Variants in WDR45B observed in about 807,000 individuals in gnomAD.
The protein encoded by WDR45B is WD repeat domain phosphoinositide-interacting protein 3.
In WDR45B, 20 loss-of-function variants were observed where a neutral mutation model predicts 44.6. The ratio of observed to expected loss-of-function variants is 0.45; its 90% CI spans 0.32 to 0.65. WDR45B has a LOEUF of 0.65. Among genes scored for constraint, WDR45B ranks in the 30% least tolerant of loss-of-function variants. The pLI, the probability that WDR45B is intolerant of heterozygous loss-of-function variation, is 0.05. For missense variants in WDR45B, 323 were observed against 430.2 expected, an observed-to-expected ratio of 0.75 and a Z score of 2.20; for synonymous variants, 169 against 164.9, an observed-to-expected ratio of 1.02 and a Z score of -0.19.
chr17:82,617,192 T>C lies in WDR45B; in HGVS notation c.806+104A>G. ...CAGCGCTGATAGCATATGAGGTCTG[T>C]CCACACCACCCTGCTGGGGTGGGGG... On this transcript the variant is annotated intron_variant, in intron 8 of 9. Coordinates refer to ENST00000392325, the MANE Select transcript of WDR45B (RefSeq NM_019613.4). 2.9e-6 allele frequency: 3 copies of C among 1,019,458 alleles called. No individual in the cohort carries two copies. The South Asian group carries it at 4.1e-5, about 14-fold the overall frequency. 63.2% of individuals were successfully genotyped at this position (1,019,458 alleles called of 1,614,324 possible). A position where few individuals can be genotyped will look rare whatever the true frequency, so the allele number is the denominator to read the frequency against.
intron 3 of WDR45B, among the ~76,000 whole-genome samples, chr17:82,628,558 T>C (rs2045728176): frequency 6.7e-6 from 1 of 149,550 alleles, no homozygotes; most frequent in African/African-American, 2.4e-5. Flanking sequence ...GGCAACATAG[T>C]GAGACTCCCA....
intron 2 of WDR45B, among the ~76,000 whole-genome samples, chr17:82,640,673 G>A (rs766483131): frequency 1.3e-5 from 2 of 152,154 alleles, no homozygotes; most frequent in Non-Finnish European, 2.9e-5. Flanking sequence ...CAGACGCAGA[G>A]CAGCAGATGA....
At chr17:82,633,311 T>C (rs1451939140) in intron 2 of WDR45B, among the ~76,000 whole-genome samples, 1 of 152,268 alleles carries the variant, frequency 6.6e-6, no homozygotes, top group African/African-American at 2.4e-5. Context: ...CAGTGCGTAA[T>C]ATCCAGAATA....
chr17:82,642,580 T>A (rs1479256241), intron 2 of WDR45B, among the ~76,000 whole-genome samples: 3 of 152,080 alleles, frequency 2.0e-5, no homozygotes, highest in Non-Finnish European at 4.4e-5. Context: ...CAGTCTGAAG[T>A]TTAGGAGGCC....
At chr17:82,640,353 C>CT (rs1185316610) in intron 2 of WDR45B, among the ~76,000 whole-genome samples, 16,995 of 140,190 alleles carry the variant, frequency 0.12, 1,123 homozygotes, top group Middle Eastern at 0.17. Context: ...GGATTTTTTT[C>CT]TTTTTTTTTT....
At chr17:82,625,036 C>T (rs1201420865) in intron 5 of WDR45B, among the ~76,000 whole-genome samples, 1 of 152,134 alleles carries the variant, frequency 6.6e-6, no homozygotes, top group Non-Finnish European at 1.5e-5. Context: ...AAGTCAAACA[C>T]AATCAATCCT....
At chr17:82,617,731 C>T (rs2045557421) in intron 7 of WDR45B, among the ~76,000 whole-genome samples, 3 of 152,108 alleles carry the variant, frequency 2.0e-5, no homozygotes, top group South Asian at 2.1e-4. Context: ...TCACAAGACT[C>T]GGGTGAGAAA....
At position 82,623,525 on chromosome 17, in the gene WDR45B, C is replaced by A. The variant is rs1202658883; in HGVS notation, c.428-1726G>T. ...GACCAGCCTGGCCAACATGGTAAAACCCCGTCTCTACTAAAAATACAAAAA... is the reference window on the plus strand; with the variant it reads ...GACCAGCCTGGCCAACATGGTAAAAACCCGTCTCTACTAAAAATACAAAAA... On this transcript the variant is annotated intron_variant, in intron 5 of 9. Coordinates refer to ENST00000392325, the MANE Select transcript of WDR45B (RefSeq NM_019613.4). 3.3e-5 allele frequency among the ~76,000 whole-genome samples: 5 copies of A among 151,734 alleles called. No individual in the cohort carries two copies. The East Asian group carries it at 9.7e-4, about 29-fold the overall frequency.
chr17:82,626,407 C>T lies in WDR45B; in HGVS notation c.332+797G>A, dbSNP rs182505624. 1.7e-4 allele frequency among the ~76,000 whole-genome samples: 26 copies of T among 151,060 alleles called. 2 individuals carry two copies. The highest frequency in any genetic ancestry group is 5.8e-4 in the African/African-American group (24 of 41,226). ...AAAATCAGCCAGGCTTGGTGGTGTG[C>T]GCCTGTAGTCCCAGCTACTCCGGAG... On this transcript the variant is annotated intron_variant, in intron 4 of 9. Coordinates refer to ENST00000392325, the MANE Select transcript of WDR45B (RefSeq NM_019613.4).
chr17:82,641,779 T>C (rs570342586), intron 2 of WDR45B, among the ~76,000 whole-genome samples: 3 of 152,020 alleles, frequency 2.0e-5, no homozygotes, highest in Non-Finnish European at 2.9e-5. Context: ...GTGCCTGCAA[T>C]CCCAGCTACT....
intron 1 of WDR45B, among the ~76,000 whole-genome samples, chr17:82,645,158 C>G (rs137957977): frequency 6.6e-6 from 1 of 151,998 alleles, no homozygotes; most frequent in Non-Finnish European, 1.5e-5. Context: ...ATTAGCCAGT[C>G]GTGGTGGTGA....
At chr17:82,626,714 AG>A (rs1178220279) in intron 4 of WDR45B, 1 of 205,094 alleles carries the variant, frequency 4.9e-6, no homozygotes, top group Admixed American at 5.3e-5. Context: ...TCAACGTACT[AG>A]GACAAACTTC....
At chr17:82,630,794 G>C in intron 3 of WDR45B, 127 bp downstream of exon 3, 2 of 957,374 alleles carry the variant, frequency 2.1e-6, no homozygotes, top group Non-Finnish European at 1.7e-6. Context: ...TTCCTCCCCA[G>C]TGACCAGTCC....
chr17:82,634,471 G>C (rs113947977), intron 2 of WDR45B, among the ~76,000 whole-genome samples: 1 of 150,254 alleles, frequency 6.7e-6, no homozygotes, highest in South Asian at 2.1e-4. Context: ...CAGCCTGGGC[G>C]ACAGGGCGAG....
At chr17:82,620,342 A>C (rs1313939638) in intron 6 of WDR45B, among the ~76,000 whole-genome samples, 1 of 152,242 alleles carries the variant, frequency 6.6e-6, no homozygotes. Context: ...TGGAGGCAGG[A>C]GAATCGCTGG....
At chr17:82,644,269 A>T (rs2045951178) in intron 1 of WDR45B, 2 of 542,680 alleles carry the variant, frequency 3.7e-6, no homozygotes, top group Non-Finnish European at 6.6e-6. Flanking sequence ...TCCCCACTGC[A>T]GGGGCCTTCT....
chr17:82,633,944 T>A (rs987016222), intron 2 of WDR45B, among the ~76,000 whole-genome samples: 1 of 149,640 alleles, frequency 6.7e-6, no homozygotes, highest in Admixed American at 6.7e-5. Flanking sequence ...AGGTCAGGAG[T>A]TTGAAACCAG....
chr17:82,637,748 G>C (rs1351099283), intron 2 of WDR45B, among the ~76,000 whole-genome samples: 1 of 151,986 alleles, frequency 6.6e-6, no homozygotes, highest in African/African-American at 2.4e-5. Flanking sequence ...AGGTATTAGG[G>C]GAAGGACACA....
chr17:82,631,209 GCCT>G (rs2045761951), intron 2 of WDR45B, among the ~76,000 whole-genome samples, 187 bp from the exon 3 acceptor site: 4 of 151,302 alleles, frequency 2.6e-5, no homozygotes, highest in African/African-American at 9.7e-5. Flanking sequence ...GCTCACTGCA[GCCT>G]TGAACTCCTG....
Sources: gnomAD v4.1 joint callset for allele counts (sites outside exome capture counted in the v4.1 genomes callset) on GRCh38, gnomAD v4.1.1 for gene constraint, MANE v1.5 for transcripts, NCBI Gene and HGNC (gene_info 2026-07-23, HGNC 2026-07-21) for gene names.